Variants in PSD3 observed in about 807,000 individuals in gnomAD.
PSD3 encodes the protein PH and SEC7 domain-containing protein 3.
Under a neutral mutation model 105.5 loss-of-function variants are expected in PSD3, and 49 were observed. The ratio of observed to expected loss-of-function variants is 0.46; its 90% CI spans 0.37 to 0.59. The LOEUF is 0.59. Ranked by LOEUF, PSD3 falls within the 20% of genes least tolerant of loss-of-function variation. The pLI is 0.00. For synonymous variants in PSD3, 557 were observed against 457.8 expected, an observed-to-expected ratio of 1.22 and a Z score of -2.77; for missense variants, 1,561 against 1,263.8, an observed-to-expected ratio of 1.24 and a Z score of -3.57.
intron 14 of PSD3, among the ~76,000 whole-genome samples, chr8:18,569,262 G>C (rs1342181629): frequency 8.0e-6 from 1 of 124,622 alleles, no homozygotes; most frequent in Non-Finnish European, 1.7e-5. Context: ...TCTAGTTCTA[G>C]ATCCCTGAGG....
At chr8:18,649,472 T>C (rs962548868) in intron 10 of PSD3, among the ~76,000 whole-genome samples, 6 of 152,358 alleles carry the variant, frequency 3.9e-5, no homozygotes, top group Middle Eastern at 3.4e-3. Flanking sequence ...TGTACCCCCA[T>C]TGTATCTTGG....
upstream of PSD3, chr8:19,014,216 C>A (rs1376385513): frequency 5.9e-5 from 9 of 152,228 alleles, no homozygotes; most frequent in African/African-American, 1.9e-4. The surrounding 1 kb of genome is among the most constrained non-coding windows in gnomAD (Gnocchi z 4.9). Context: ...CTTCGGGACA[C>A]GCACCTAGGC....
intron 14 of PSD3, among the ~76,000 whole-genome samples, chr8:18,559,983 C>G (rs1238765618): frequency 6.6e-6 from 1 of 152,132 alleles, no homozygotes; most frequent in Non-Finnish European, 1.5e-5. Flanking sequence ...AAATGCTTCA[C>G]TACTATTTCA....
At chr8:19,068,411 T>G (rs1301099430) in intron 1 of PSD3, among the ~76,000 whole-genome samples, 1 of 151,888 alleles carries the variant, frequency 6.6e-6, no homozygotes, top group African/African-American at 2.4e-5. Flanking sequence ...TGCCCCAGCC[T>G]CCTGACAAGC....
chr8:18,804,439 A>G, intron 6 of PSD3, 83 bp downstream of exon 6: 3 of 1,212,070 alleles, frequency 2.5e-6, no homozygotes, highest in East Asian at 4.7e-5. Flanking sequence ...AAAAAATAAG[A>G]TTCTAGCTAG....
chr8:18,594,688 T>C (rs1341177004), intron 12 of PSD3, among the ~76,000 whole-genome samples: 3 of 151,444 alleles, frequency 2.0e-5, no homozygotes, highest in Non-Finnish European at 4.4e-5. Context: ...GACACCAAAA[T>C]CCATGGATGC....
intron 1 of PSD3, among the ~76,000 whole-genome samples, chr8:19,072,359 T>C (rs567877115): frequency 6.6e-6 from 1 of 152,276 alleles, no homozygotes; most frequent in South Asian, 2.1e-4. Context: ...AGTGCTGGGA[T>C]TATAGGACTG....
chr8:18,661,627 C>T lies in PSD3; in HGVS notation c.2173-5942G>A, dbSNP rs74385143. On this transcript the variant is annotated intron_variant, in intron 9 of 15. Coordinates refer to ENST00000327040, the MANE Select transcript of PSD3 (RefSeq NM_015310.4). ...TTTGGAATTGACTCTTTTTTTGCCC[C>T]CTCCGCACCAGTGGAGGTCCTTACA... 3.8e-3 allele frequency among the ~76,000 whole-genome samples: 576 copies of T among 152,126 alleles called. 18 individuals carry two copies. The highest frequency in any genetic ancestry group is 0.037 in the East Asian group (191 of 5,178).
chr8:18,648,744 A>G (rs1248679942), intron 10 of PSD3, among the ~76,000 whole-genome samples: 2 of 152,150 alleles, frequency 1.3e-5, no homozygotes, highest in African/African-American at 2.4e-5. Context: ...GGCTTAGGAG[A>G]GAAGAATGGT....
At chr8:18,980,949 T>TA (rs1344903210) in intron 1 of PSD3, among the ~76,000 whole-genome samples, 1 of 152,148 alleles carries the variant, frequency 6.6e-6, no homozygotes, top group Non-Finnish European at 1.5e-5. Context: ...CCAACTGGAA[T>TA]ACCACCCTCT....
chr8:18,712,910 G>T (rs997871227), intron 9 of PSD3, among the ~76,000 whole-genome samples: 1 of 152,102 alleles, frequency 6.6e-6, no homozygotes, highest in Admixed American at 6.5e-5. Context: ...ACTGCATCCC[G>T]AAGCACATTG....
chr8:19,026,414 C>G lies in PSD3; in HGVS notation c.324+57792G>C, dbSNP rs546898535. Reference sequence around the variant, plus strand: ...TAAGTTTTCAGTGACAAGGGCTAATCGCAGAAGCTGTCTCTCAGTGTTCTG... The same window carrying G: ...TAAGTTTTCAGTGACAAGGGCTAATGGCAGAAGCTGTCTCTCAGTGTTCTG... On this transcript the variant is annotated intron_variant, in intron 1 of 1. Transcript: ENST00000521475. Among the ~76,000 whole-genome samples the G allele has an allele frequency of 2.2e-3, 336 of 152,076 alleles. 1 individual carries two copies. The highest frequency in any genetic ancestry group is 7.9e-3 in the African/African-American group (329 of 41,488).
chr8:18,845,655 G>A (rs1815024581), intron 4 of PSD3, among the ~76,000 whole-genome samples: 1 of 152,180 alleles, frequency 6.6e-6, no homozygotes, highest in Non-Finnish European at 1.5e-5. Context: ...TAGCAGAAGA[G>A]GGTGGGTGTG....
At chr8:18,820,270 A>T (rs574766589) in intron 4 of PSD3, among the ~76,000 whole-genome samples, 1 of 151,244 alleles carries the variant, frequency 6.6e-6, no homozygotes, top group South Asian at 2.1e-4. Flanking sequence ...ATGAAAATAT[A>T]CTTTTAAATA....
chr8:18,614,544 C>G lies in PSD3; in HGVS notation c.2411-14110G>C, dbSNP rs142244920. Among the ~76,000 whole-genome samples, 1,265 of 152,088 alleles carry G rather than the reference C, an allele frequency of 8.3e-3. 17 individuals are homozygous for G. Among genetic ancestry groups the G allele is most frequent in the African/African-American group, 0.029 (1,211 of 41,492 alleles). ...ATGGGAATAAGGTATCAGTAAACAC[C>G]CAGGCTTAAAAGGAACAAATAAGGC... On this transcript the variant is annotated intron_variant, in intron 11 of 15. Coordinates refer to ENST00000327040, the MANE Select transcript of PSD3 (RefSeq NM_015310.4).
At chr8:18,922,140 G>T (rs1821061256) in intron 2 of PSD3, among the ~76,000 whole-genome samples, 1 of 152,190 alleles carries the variant, frequency 6.6e-6, no homozygotes, top group African/African-American at 2.4e-5. Flanking sequence ...AAGGGAGACT[G>T]CTAAAAACAT....
intron 1 of PSD3, among the ~76,000 whole-genome samples, chr8:19,061,145 C>T (rs887555792): frequency 2.0e-5 from 3 of 152,100 alleles, no homozygotes; most frequent in Non-Finnish European, 2.9e-5. Context: ...TATAACTACA[C>T]AGACAGTTTA....
chr8:18,659,911 G>A (rs1242202692), intron 9 of PSD3, among the ~76,000 whole-genome samples: 2 of 152,212 alleles, frequency 1.3e-5, no homozygotes, highest in African/African-American at 4.8e-5. Context: ...GGTTTGGGGA[G>A]AAACATTGCT....
chr8:18,990,119 C>T (rs186733012), intron 1 of PSD3, among the ~76,000 whole-genome samples: 46 of 152,338 alleles, frequency 3.0e-4, no homozygotes, highest in African/African-American at 1.0e-3. Context: ...ATCTTCATCT[C>T]TCACCTACAA....
Sources: allele counts gnomAD v4.1 joint callset (sites outside exome capture counted in the v4.1 genomes callset), GRCh38; gene constraint gnomAD v4.1.1; non-coding constraint Gnocchi (gnomAD v3.1); transcripts MANE v1.5; gene names NCBI Gene and HGNC (gene_info 2026-07-23, HGNC 2026-07-21).